The following SLC6A11 variants were observed in gnomAD, a reference collection of about 807,000 sequenced individuals.
SLC6A11 encodes sodium- and chloride-dependent GABA transporter 3.
SLC6A11 carries 25 observed loss-of-function variants against 74.8 expected under a neutral mutation model. The observed-to-expected ratio is 0.33, with a 90% confidence interval of 0.24 to 0.47. SLC6A11 has a LOEUF of 0.47. Among genes scored for constraint, SLC6A11 ranks in the 20% least tolerant of loss-of-function variants. The probability of loss-of-function intolerance (pLI) is 1.00; values close to 1 mark genes in which losing one functional copy is unlikely to be tolerated. For synonymous variants in SLC6A11, 330 were observed against 330.2 expected (o/e 1.00, Z 0.01); for missense variants, 574 against 837.0 (o/e 0.69, Z 3.88).
At chr3:10,912,334 G>T in intron 7 of SLC6A11, 141 bp downstream of exon 7, 1 of 647,694 alleles carries the variant, frequency 1.5e-6, no homozygotes, top group Non-Finnish European at 2.8e-6. Context: ...TCCCACTACC[G>T]AAGGGTCAAA....
rs571146734 is a variant in SLC6A11 at position 10,859,192 on chromosome 3, T to C, written c.756+14846T>C. 2.0e-5 allele frequency among the ~76,000 whole-genome samples: 3 copies of C among 152,288 alleles called. No homozygotes were observed. In the South Asian group the frequency reaches 6.2e-4, roughly 32 times the overall value. On this transcript the variant is annotated intron_variant, in intron 5 of 13. Transcript: ENST00000254488. Reference sequence around the variant, plus strand: ...GCCATTAAGTAGTTTGGGTAGGAGATAGTGACAACTTTGAGGTGGAGAGAG... The same window carrying C: ...GCCATTAAGTAGTTTGGGTAGGAGACAGTGACAACTTTGAGGTGGAGAGAG...
chr3:10,931,964 C>T (rs1025808452), intron 10 of SLC6A11, among the ~76,000 whole-genome samples: 1 of 152,202 alleles, frequency 6.6e-6, no homozygotes, highest in Non-Finnish European at 1.5e-5. Flanking sequence ...GCACAGGAGG[C>T]TCTCCAGGTT....
In SLC6A11 at chr3:10,935,197, G is replaced by A. The variant is rs1398607624; in HGVS notation, c.1744G>A (p.Glu582Lys). 22 of 1,613,844 alleles carry A rather than the reference G, an allele frequency of 1.4e-5. No individual in the cohort carries two copies. Among genetic ancestry groups the A allele is most frequent in the South Asian group, 2.2e-5 (2 of 91,054 alleles). The change falls in exon 13 of 14, where the codon GAG (glutamate) becomes AAG (lysine). Residue 582 changes from glutamate to lysine, a missense_variant and splice_region_variant. Physicochemically the swap from Glu to Lys is moderately conservative, Grantham distance 56. Around this residue, in one of 4 missense-constraint regions of SLC6A11, gnomAD observed 257 missense variants for 341.5 expected, o/e 0.75. Transcript: ENST00000254488. ...TVWKTEGTLPEKLQKLTTPST... is the reference protein window; with the variant it reads ...TVWKTEGTLPKKLQKLTTPST... ...GTGGAAGACGGAGGGGACACTGCCC[G>A]AGGTGAGACCGCCCCAGGAGGGCTG...
intron 4 of SLC6A11, among the ~76,000 whole-genome samples, chr3:10,826,474 G>C (rs1288243215): frequency 2.0e-5 from 3 of 152,166 alleles, no homozygotes; most frequent in Admixed American, 6.5e-5. Flanking sequence ...ACTGGACAAG[G>C]TCTCTGTGTT....
intron 6 of SLC6A11, among the ~76,000 whole-genome samples, chr3:10,908,516 A>C (rs1433016797): frequency 1.3e-5 from 2 of 152,188 alleles, no homozygotes; most frequent in African/African-American, 4.8e-5. Flanking sequence ...TTAAAGATTC[A>C]TGTGAATCTT....
intron 6 of SLC6A11, among the ~76,000 whole-genome samples, chr3:10,879,184 G>A (rs958234516): frequency 1.3e-5 from 2 of 152,156 alleles, no homozygotes; most frequent in Non-Finnish European, 2.9e-5. Context: ...CACCAAATCC[G>A]TGAGCTGTAA....
chr3:10,934,060 G>C lies in SLC6A11; in HGVS notation c.1475-6G>C. 6.2e-7 allele frequency: 1 copy of C among 1,607,336 alleles called. No homozygotes were observed. Among genetic ancestry groups the C allele is most frequent in the Non-Finnish European group, 8.5e-7 (1 of 1,173,986 alleles). ...TGTATGTTCCCCTCTGATTTATTCC[G>C]GACAGGAAGCAACCGGTTCTATGAT... On this transcript the variant is annotated splice_region_variant and splice_polypyrimidine_tract_variant and intron_variant, in intron 11 of 13. Transcript: ENST00000254488.
chr3:10,895,503 A>G (rs1695159372), intron 6 of SLC6A11, among the ~76,000 whole-genome samples: 1 of 152,198 alleles, frequency 6.6e-6, no homozygotes, highest in Non-Finnish European at 1.5e-5. Flanking sequence ...CAGGGACAGA[A>G]AACCAAACAC....
rs117802539 is a variant in SLC6A11 at position 10,928,677 on chromosome 3, A to C, written c.1234-525A>C. Among the ~76,000 whole-genome samples, 52 of 152,174 alleles carry C rather than the reference A, an allele frequency of 3.4e-4. No homozygotes were observed. In the East Asian group the frequency reaches 9.3e-3, roughly 27 times the overall value. On this transcript the variant is annotated intron_variant, in intron 9 of 13. Coordinates refer to ENST00000254488, the MANE Select transcript of SLC6A11 (RefSeq NM_014229.3). ...GTTGGCTCACCTCTGATTGCCCTCC[A>C]CCAGCAGAGGGGCCTCATCTGCCAG...
Position 10,816,673 on chromosome 3 carries a change from C to T in SLC6A11, c.256+152C>T. Reference sequence around the variant, plus strand: ...CAGGCACCTCGCGTGTGAGCTCGCCCCGGAGCGCGGCCCACCTGTGCCAGT... The same window carrying T: ...CAGGCACCTCGCGTGTGAGCTCGCCTCGGAGCGCGGCCCACCTGTGCCAGT... On this transcript the variant is annotated intron_variant, in intron 1 of 13. Coordinates refer to ENST00000254488, the MANE Select transcript of SLC6A11 (RefSeq NM_014229.3). This position sits in a 1 kb window ranked among gnomAD's most constrained non-coding sequence, Gnocchi z 4.2. The T allele has an allele frequency of 1.2e-6, 1 of 850,228 alleles. No homozygotes were observed. The highest frequency in any genetic ancestry group is 3.5e-5 in the Admixed American group (1 of 28,448). 52.7% of individuals were successfully genotyped at this position (850,228 alleles called of 1,614,324 possible). A position where few individuals can be genotyped will look rare whatever the true frequency, so the allele number is the denominator to read the frequency against.
intron 6 of SLC6A11, among the ~76,000 whole-genome samples, chr3:10,880,018 T>G (rs1694955886): frequency 6.6e-6 from 1 of 152,156 alleles, no homozygotes; most frequent in South Asian, 2.1e-4. Context: ...AGCATGGACA[T>G]GACAAATGTA....
At chr3:10,904,144 C>T (rs1237535538) in intron 6 of SLC6A11, among the ~76,000 whole-genome samples, 1 of 152,218 alleles carries the variant, frequency 6.6e-6, no homozygotes, top group Non-Finnish European at 1.5e-5. Context: ...GCTGAGTATC[C>T]ATCATGATGA....
At chr3:10,844,393 G>C in intron 5 of SLC6A11, 47 bp downstream of exon 5, 1 of 1,611,842 alleles carries the variant, frequency 6.2e-7, no homozygotes, top group Non-Finnish European at 8.5e-7. Flanking sequence ...GGGAAGGCAC[G>C]AGCTCACAGA....
intron 1 of SLC6A11, among the ~76,000 whole-genome samples, chr3:10,817,589 A>G (rs1312125788): frequency 6.6e-6 from 1 of 152,158 alleles, no homozygotes; most frequent in Non-Finnish European, 1.5e-5. Flanking sequence ...CTGCCCCTCC[A>G]GCAAATTCCC....
chr3:10,853,131 G>A (rs1694597050), intron 5 of SLC6A11, among the ~76,000 whole-genome samples: 1 of 152,206 alleles, frequency 6.6e-6, no homozygotes, highest in South Asian at 2.1e-4. Flanking sequence ...AGCCCAGGCT[G>A]GGATGATTGA....
At chr3:10,898,273 G>A (rs1460463577) in intron 6 of SLC6A11, among the ~76,000 whole-genome samples, 1 of 152,204 alleles carries the variant, frequency 6.6e-6, no homozygotes, top group African/African-American at 2.4e-5. Flanking sequence ...GGTTACTTAT[G>A]CAAATTTCTG....
At chr3:10,850,918 T>G (rs1401421537) in intron 5 of SLC6A11, among the ~76,000 whole-genome samples, 1 of 152,082 alleles carries the variant, frequency 6.6e-6, no homozygotes, top group Non-Finnish European at 1.5e-5. Context: ...AGAGAGCTGG[T>G]CAGATCAGAG....
chr3:10,880,613 T>A (rs111936706), intron 6 of SLC6A11, among the ~76,000 whole-genome samples: 2,241 of 152,252 alleles, frequency 0.015, 95 homozygotes, highest in South Asian at 0.11. Context: ...TCCAGGATAC[T>A]TTCAGGTCTC....
At chr3:10,883,309 C>T (rs1277757432) in intron 6 of SLC6A11, among the ~76,000 whole-genome samples, 1 of 152,174 alleles carries the variant, frequency 6.6e-6, no homozygotes, top group East Asian at 1.9e-4. Context: ...TCTGTCTTTT[C>T]AGTCTTTGGG....
Sources: gnomAD v4.1 joint callset for allele counts (sites outside exome capture counted in the v4.1 genomes callset) on GRCh38, gnomAD v4.1.1 for gene constraint, gnomAD v4.1.1 regional missense constraint, Gnocchi (gnomAD v3.1) non-coding constraint, MANE v1.5 for transcripts, NCBI Gene and HGNC (gene_info 2026-07-23, HGNC 2026-07-21) for gene names.